TADA2A: variants seen among roughly 807,000 people sequenced by gnomAD.
TADA2A encodes transcriptional adapter 2-alpha.
In TADA2A, 38 loss-of-function variants were observed where a neutral mutation model predicts 67.4. That is an observed-to-expected ratio of 0.56 (90% CI 0.44 to 0.74). The LOEUF is 0.74. Ranked by LOEUF, TADA2A falls within the 30% of genes least tolerant of loss-of-function variation. TADA2A has a pLI of 0.00. For synonymous variants in TADA2A, 192 were observed against 181.6 expected, an observed-to-expected ratio of 1.06 and a Z score of -0.46; for missense variants, 454 against 547.0, an observed-to-expected ratio of 0.83 and a Z score of 1.70.
chr17:37,443,067 T>C (rs918424892), intron 7 of TADA2A, among the ~76,000 whole-genome samples: 1 of 151,976 alleles, frequency 6.6e-6, no homozygotes, highest in Non-Finnish European at 1.5e-5. Context: ...CAGGCTGATA[T>C]GGGAGGATCA....
At position 37,431,955 on chromosome 17, in the gene TADA2A, A is replaced by T. The variant is rs562514760; in HGVS notation, c.192+4946A>T. Among the ~76,000 whole-genome samples the T allele has an allele frequency of 2.6e-5, 4 of 152,258 alleles. No individual in the cohort carries two copies. In the South Asian group the frequency reaches 8.3e-4, roughly 32 times the overall value. ...CAGTATTTCATTAGGTCTCTACGTA[A>T]TTCTAGTCACTTTTCACATTCCCCG... is the stretch of plus-strand genomic sequence containing the variant. On this transcript the variant is annotated intron_variant, in intron 4 of 15. Coordinates refer to ENST00000615182, the MANE Select transcript of TADA2A (RefSeq NM_001166105.3).
At chr17:37,428,109 C>T (rs2052463029) in intron 4 of TADA2A, among the ~76,000 whole-genome samples, 1 of 152,194 alleles carries the variant, frequency 6.6e-6, no homozygotes, top group African/African-American at 2.4e-5. Flanking sequence ...TCCTGGCAGG[C>T]TTGACAGTTA....
intron 2 of TADA2A, among the ~76,000 whole-genome samples, chr17:37,419,074 G>A (rs1196548990): frequency 1.4e-5 from 2 of 146,392 alleles, no homozygotes; most frequent in African/African-American, 2.5e-5. Context: ...TAGAAGAAAG[G>A]TTGGAAAAAT....
chr17:37,447,095 C>T (rs114593693), intron 8 of TADA2A, among the ~76,000 whole-genome samples: 1,627 of 152,304 alleles, frequency 0.011, 31 homozygotes, highest in African/African-American at 0.035. Flanking sequence ...TTAGCTTTAA[C>T]ACAACATAAA....
intron 2 of TADA2A, among the ~76,000 whole-genome samples, chr17:37,415,376 T>C (rs1202596663): frequency 6.6e-6 from 1 of 152,212 alleles, no homozygotes; most frequent in East Asian, 1.9e-4. Flanking sequence ...TGTGTGGATA[T>C]GTTATTATTC....
intron 8 of TADA2A, among the ~76,000 whole-genome samples, chr17:37,446,106 T>TGG (rs2053072780): frequency 1.5e-5 from 2 of 133,280 alleles, no homozygotes; most frequent in East Asian, 4.3e-4. Flanking sequence ...TGGGGGGGTT[T>TGG]TTTTTTTTTT....
chr17:37,464,704 G>A (rs962607755), intron 10 of TADA2A, among the ~76,000 whole-genome samples: 3 of 151,626 alleles, frequency 2.0e-5, no homozygotes, highest in Non-Finnish European at 1.5e-5. Flanking sequence ...GTCGAGCATG[G>A]CGGTGTGCCT....
chr17:37,409,013 A>G (rs572352015), intron 1 of TADA2A, among the ~76,000 whole-genome samples: 1 of 152,304 alleles, frequency 6.6e-6, no homozygotes, highest in East Asian at 1.9e-4. Context: ...CTATGTGTTT[A>G]TTGTATTCCT....
At chr17:37,434,975 G>A (rs189540125) in intron 4 of TADA2A, among the ~76,000 whole-genome samples, 2 of 152,114 alleles carry the variant, frequency 1.3e-5, no homozygotes, top group Non-Finnish European at 1.5e-5. Flanking sequence ...TGCCAGGCAC[G>A]GTGGCTCATG....
chr17:37,429,682 T>A (rs1313731984), intron 4 of TADA2A, among the ~76,000 whole-genome samples: 1 of 152,188 alleles, frequency 6.6e-6, no homozygotes, highest in Admixed American at 6.6e-5. Context: ...TGAGCCTGAC[T>A]ATTGGTGGAG....
At chr17:37,413,366 C>G (rs184758141) in intron 2 of TADA2A, among the ~76,000 whole-genome samples, 9 of 152,236 alleles carry the variant, frequency 5.9e-5, no homozygotes, top group African/African-American at 1.9e-4. Context: ...GTGGACTGCT[C>G]TAATGCTGGG....
intron 12 of TADA2A, among the ~76,000 whole-genome samples, chr17:37,469,824 CTG>C (rs2053746972): frequency 6.6e-6 from 1 of 152,156 alleles, no homozygotes; most frequent in Non-Finnish European, 1.5e-5. Flanking sequence ...ATTTTGGAAT[CTG>C]TGAACCTTTG....
At chr17:37,457,180 T>TTC (rs1442713182) in intron 8 of TADA2A, among the ~76,000 whole-genome samples, 1 of 145,200 alleles carries the variant, frequency 6.9e-6, no homozygotes, top group East Asian at 2.0e-4. Context: ...ATTATTCTTT[T>TTC]TTTTTTTTTT....
chr17:37,446,314 C>G (rs2053080373), intron 8 of TADA2A, among the ~76,000 whole-genome samples: 1 of 152,050 alleles, frequency 6.6e-6, no homozygotes, highest in South Asian at 2.1e-4. Flanking sequence ...TTGTGGTGTT[C>G]CCTTTGAAGG....
At chr17:37,446,581 C>G (rs1402941749) in intron 8 of TADA2A, among the ~76,000 whole-genome samples, 1 of 148,594 alleles carries the variant, frequency 6.7e-6, no homozygotes, top group South Asian at 2.2e-4. Context: ...CTGGGCAACA[C>G]AGTGAGACCC....
At chr17:37,448,620 C>A (rs950292826) in intron 8 of TADA2A, among the ~76,000 whole-genome samples, 1 of 152,018 alleles carries the variant, frequency 6.6e-6, no homozygotes, top group Admixed American at 6.6e-5. Flanking sequence ...AAAATTCTTC[C>A]TAAATTTTTA....
chr17:37,411,489 G>A (rs1209086424), intron 2 of TADA2A, 99 bp downstream of exon 2: 11 of 1,154,078 alleles, frequency 9.5e-6, no homozygotes, highest in Non-Finnish European at 1.4e-5. Context: ...GTGGCATGAT[G>A]TTGGCTCACT....
chr17:37,435,482 G>T (rs564828792), intron 4 of TADA2A, among the ~76,000 whole-genome samples: 194 of 152,116 alleles, frequency 1.3e-3, no homozygotes, highest in African/African-American at 4.5e-3. Context: ...TAGAGACGGG[G>T]TTTCACCGTG....
At chr17:37,428,623 C>A (rs2052477703) in intron 4 of TADA2A, among the ~76,000 whole-genome samples, 1 of 152,178 alleles carries the variant, frequency 6.6e-6, no homozygotes, top group Non-Finnish European at 1.5e-5. Context: ...ACTCTATCAC[C>A]CAGGCTAAAG....
Sources: gnomAD v4.1 joint callset for allele counts (sites outside exome capture counted in the v4.1 genomes callset) on GRCh38, gnomAD v4.1.1 for gene constraint, MANE v1.5 for transcripts, NCBI Gene and HGNC (gene_info 2026-07-23, HGNC 2026-07-21) for gene names.